Variants in HK3 observed in about 807,000 individuals in gnomAD.
HK3 encodes the protein hexokinase 3.
A neutral mutation model predicts 91.0 loss-of-function variants in HK3; 93 were observed. The ratio of observed to expected loss-of-function variants is 1.02; its 90% CI spans 0.86 to 1.21. The LOEUF is 1.21. HK3 is among the 50% of genes most tolerant of loss of function. The pLI, the probability that HK3 is intolerant of heterozygous loss-of-function variation, is 0.00. For missense variants in HK3, 1,235 were observed against 1,247.4 expected (o/e 0.99, Z 0.15); for synonymous variants, 519 against 516.9 (o/e 1.00, Z -0.06).
Position 176,882,000 on chromosome 5 carries a change from G to T in HK3, c.2181C>A (p.Leu727=). 6.2e-7 allele frequency: 1 copy of T among 1,613,496 alleles called. No homozygotes were observed. Among genetic ancestry groups the T allele is most frequent in the Non-Finnish European group, 8.5e-7 (1 of 1,180,032 alleles). The change falls in exon 16 of 19, where the codon CTC becomes CTA. Residue 727 remains leucine, a synonymous_variant. Coordinates refer to ENST00000292432, the MANE Select transcript of HK3 (RefSeq NM_002115.3). ...CCACACTTGCATCAAAGCGGGTGCT[G>T]AGCATGGCCAGAGAGCCATCGTCCC... ...AFGDDGSLAM[L]STRFDASVDQ...
At position 176,888,395 on chromosome 5, in the gene HK3, C is replaced by T. The variant is rs1249945017; in HGVS notation, c.1241G>A (p.Arg414Gln). 7.0e-6 allele frequency: 11 copies of T among 1,563,402 alleles called. No individual in the cohort carries two copies. Among genetic ancestry groups the T allele is most frequent in the South Asian group, 2.4e-5 (2 of 84,918 alleles). ...AAVLSCLQHS[R>Q]EQQTLQVAVA... ...AGCAACCTGGAGTGTTTGTTGCTCC[C>T]GGCTGTGCTGGAGGCAGGAGAGAAC... The change falls in exon 10 of 19, where the codon CGG (arginine) becomes CAG (glutamine). Residue 414 changes from arginine to glutamine, a missense_variant. By Grantham distance (43) the Arg-to-Gln change is conservative (BLOSUM62 1). This residue lies in a region of HK3 where 717 missense variants were observed against 751.6 expected (regional missense o/e 0.95). Coordinates refer to ENST00000292432, the MANE Select transcript of HK3 (RefSeq NM_002115.3).
Position 176,880,972 on chromosome 5 carries a change from T to A in HK3, c.*101A>T, listed in dbSNP as rs913582186. On this transcript the variant is annotated 3_prime_UTR_variant, in exon 19 of 19. Transcript: ENST00000292432. The stretch of plus-strand genomic sequence containing the variant: ...CCGCAGAGGGGTCACACATGGGATG[T>A]CCCAGGAGTCCTGGGTGGCTGGGCC... 4 of 1,355,926 alleles carry A rather than the reference T, an allele frequency of 3.0e-6. No individual in the cohort carries two copies. The highest frequency in any genetic ancestry group is 1.5e-5 in the African/African-American group (1 of 68,134). 84.0% of individuals were successfully genotyped at this position (1,355,926 alleles called of 1,614,324 possible).
At position 176,881,290 on chromosome 5, in the gene HK3, A is replaced by G; in HGVS notation, c.2627+12T>C. The G allele has an allele frequency of 1.9e-6, 3 of 1,613,442 alleles. No individual in the cohort carries two copies. The highest frequency in any genetic ancestry group is 2.5e-6 in the Non-Finnish European group (3 of 1,179,820). ...CCACACCTCCCTCCCCAGCCCGCAC[A>G]CCCAGACTCACCGCGGGTGCAGCTT... On this transcript the variant is annotated intron_variant, in intron 18 of 18. Coordinates refer to ENST00000292432, the MANE Select transcript of HK3 (RefSeq NM_002115.3).
rs910771508 is a variant in HK3 at position 176,887,783 on chromosome 5, G to C, written c.1305-37C>G. ...TACAGGTGCACCCGGCTTGGCCCTG[G>C]ACCCCCAGACACACACAGGTGTGCA... is the stretch of plus-strand genomic sequence containing the variant. On this transcript the variant is annotated intron_variant, in intron 10 of 18. Coordinates refer to ENST00000292432, the MANE Select transcript of HK3 (RefSeq NM_002115.3). This position sits in a 1 kb window ranked among gnomAD's most constrained non-coding sequence, Gnocchi z 4.9. The C allele has an allele frequency of 1.9e-6, 3 of 1,568,154 alleles. No individual in the cohort carries two copies. Among genetic ancestry groups the C allele is most frequent in the Non-Finnish European group, 2.6e-6 (3 of 1,152,908 alleles).
intron 15 of HK3, 70 bp from the exon 16 acceptor site, chr5:176,882,197 A>T: frequency 1.3e-6 from 2 of 1,526,466 alleles, no homozygotes; most frequent in Non-Finnish European, 1.8e-6. Flanking sequence ...CACTTCCCAT[A>T]CCGAGATGGC....
chr5:176,893,786 G>A (rs1758838868), intron 2 of HK3, among the ~76,000 whole-genome samples: 1 of 152,198 alleles, frequency 6.6e-6, no homozygotes, highest in African/African-American at 2.4e-5. Flanking sequence ...AAAGACAGAA[G>A]GACTTCCCTG....
At chr5:176,889,343 G>A (rs691044) in intron 8 of HK3, 38 bp downstream of exon 8, 292,964 of 1,597,384 alleles carry the variant, frequency 0.18, 30,482 homozygotes, top group Middle Eastern at 0.23. Context: ...TCATAGACAG[G>A]GCCTGGAACC....
chr5:176,894,440 G>T (rs2149378056), intron 2 of HK3, among the ~76,000 whole-genome samples: 1 of 152,328 alleles, frequency 6.6e-6, no homozygotes, highest in South Asian at 2.1e-4. Context: ...GCAGATGTGG[G>T]CCTGCACAGG....
In HK3 at chr5:176,884,136, T is replaced by C. The variant is rs1254184513; in HGVS notation, c.1858-2A>G. On this transcript the variant is annotated splice_acceptor_variant, in intron 13 of 18. Transcript: ENST00000292432. LOFTEE classifies it high-confidence loss of function. The surrounding 1 kb of genome is among the most constrained non-coding windows in gnomAD (Gnocchi z 4.1). The stretch of plus-strand genomic sequence containing the variant: ...CTTGGTCCAGTTCAGGAGGATGCCC[T>C]GGGGTGAGACCGAGAGGAAGTGGCA... 1.9e-6 allele frequency: 3 copies of C among 1,613,492 alleles called. No individual in the cohort carries two copies. The highest frequency in any genetic ancestry group is 1.7e-6 in the Non-Finnish European group (2 of 1,179,640).
At chr5:176,882,609 G>A (rs1258737219) in intron 15 of HK3, among the ~76,000 whole-genome samples, 2 of 152,228 alleles carry the variant, frequency 1.3e-5, no homozygotes, top group Non-Finnish European at 2.9e-5. Context: ...AGCTCTGACA[G>A]AGCCTCTGTG....
At chr5:176,889,044 T>A (rs1225635066) in intron 8 of HK3, among the ~76,000 whole-genome samples, 180 bp from the exon 9 acceptor site, 2 of 152,100 alleles carry the variant, frequency 1.3e-5, no homozygotes, top group East Asian at 1.9e-4. Context: ...CACTGCCCCC[T>A]CTGACATAGG....
At chr5:176,883,353 T>C (rs1332550290) in intron 15 of HK3, among the ~76,000 whole-genome samples, 1 of 152,160 alleles carries the variant, frequency 6.6e-6, no homozygotes, top group Non-Finnish European at 1.5e-5. Context: ...CCAGGGACCA[T>C]GCTGTATTTT....
At chr5:176,891,791 C>T (rs1434609131) in intron 2 of HK3, among the ~76,000 whole-genome samples, 2 of 152,218 alleles carry the variant, frequency 1.3e-5, no homozygotes, top group Admixed American at 6.5e-5. Context: ...CAATTTCTTA[C>T]ATCCTCTACC....
intron 2 of HK3, among the ~76,000 whole-genome samples, chr5:176,894,808 G>A (rs1318146177): frequency 2.9e-5 from 4 of 136,592 alleles, no homozygotes; most frequent in East Asian, 2.1e-4. Flanking sequence ...ACAGAGTCTC[G>A]CTCTGTCACC....
Position 176,881,328 on chromosome 5 carries a change from A to T in HK3, c.2601T>A (p.Asp867Glu), listed in dbSNP as rs774358033. The change falls in exon 18 of 19, where the codon GAT (aspartate) becomes GAA (glutamate). Residue 867 changes from aspartate to glutamate, a missense_variant. Asp to Glu is a conservative substitution (Grantham distance 45). Around this residue, in one of 3 missense-constraint regions of HK3, gnomAD observed 513 missense variants for 477.4 expected, o/e 1.07. Transcript: ENST00000292432. ...LEELAVSVGV[D>E]GTLYKLHPRF... ...GCGGGTGCAGCTTGTAGAGCGTTCC[A>T]TCCACCCCCACAGACACTGCCAGCT... 1 of 1,613,918 alleles carries T rather than the reference A, an allele frequency of 6.2e-7. No homozygotes were observed. The highest frequency in any genetic ancestry group is 8.5e-7 in the Non-Finnish European group (1 of 1,179,978).
rs1411043688 is a variant in HK3, at chr5:176,888,761, C to T, written c.1018G>A (p.Ala340Thr). 6.2e-6 allele frequency: 10 copies of T among 1,614,196 alleles called. No individual in the cohort carries two copies. The highest frequency in any genetic ancestry group is 1.7e-5 in the Admixed American group (1 of 60,020). Residue 340 changes from alanine to threonine, a missense_variant, in exon 9 of 19, where the codon GCC (alanine) becomes ACC (threonine). By Grantham distance (58) the Ala-to-Thr change is moderately conservative. Coordinates refer to ENST00000292432, the MANE Select transcript of HK3 (RefSeq NM_002115.3). ...AGGATGCTGCCTTGGCTCAGCAGGGCAGGGGAGGTGCAGCCACCAAAGAGG... is the reference window on the plus strand; with the variant it reads ...AGGATGCTGCCTTGGCTCAGCAGGGTAGGGGAGGTGCAGCCACCAAAGAGG... Reference protein sequence around the residue: ...GVLFGGCTSPALLSQGSILLE... With the variant: ...GVLFGGCTSPTLLSQGSILLE...
chr5:176,882,433 C>T (rs1393217529), intron 15 of HK3, among the ~76,000 whole-genome samples: 1 of 152,222 alleles, frequency 6.6e-6, no homozygotes, highest in African/African-American at 2.4e-5. Flanking sequence ...ATGTGACATC[C>T]CCCGCCCTCG....
Position 176,888,251 on chromosome 5 carries a change from T to A in HK3, c.1304+81A>T. The A allele has an allele frequency of 5.0e-6, 6 of 1,205,358 alleles. No individual in the cohort carries two copies. In the South Asian group the frequency reaches 8.4e-5, roughly 17 times the overall value. 74.7% of individuals were successfully genotyped at this position (1,205,358 alleles called of 1,614,324 possible). A position where few individuals can be genotyped will look rare whatever the true frequency, so the allele number is the denominator to read the frequency against. ...CTTCGTGTCCACTGGCTTGCACATG[T>A]GATCCCAGAGGGCCCTCTGGGTGTG... On this transcript the variant is annotated intron_variant, in intron 10 of 18. Coordinates refer to ENST00000292432, the MANE Select transcript of HK3 (RefSeq NM_002115.3).
chr5:176,887,465 G>T lies in HK3; in HGVS notation c.1586C>A (p.Thr529Asn). 6.2e-7 allele frequency: 1 copy of T among 1,612,550 alleles called. No individual in the cohort carries two copies. Among genetic ancestry groups the T allele is most frequent in the Non-Finnish European group, 8.5e-7 (1 of 1,178,872 alleles). The change falls in exon 11 of 19, where the codon ACC (threonine) becomes AAC (asparagine). Residue 529 changes from threonine (T) to asparagine (N), a missense_variant. Transcript: ENST00000292432. This position sits in a 1 kb window ranked among gnomAD's most constrained non-coding sequence, Gnocchi z 4.9. ...CAGGTCCTTACCGCTGCCGTCAGGG[G>T]TGGCCCGGACGAAAGTGGGCAGCAT... is the stretch of plus-strand genomic sequence containing the variant. ...LRMLPTFVRA[T>N]PDGSERGDFL...
Sources: allele counts gnomAD v4.1 joint callset (sites outside exome capture counted in the v4.1 genomes callset), GRCh38; gene constraint gnomAD v4.1.1; regional missense constraint gnomAD v4.1.1; non-coding constraint Gnocchi (gnomAD v3.1); transcripts MANE v1.5; gene names NCBI Gene and HGNC (gene_info 2026-07-23, HGNC 2026-07-21).